The following GMEB1 variants were observed in gnomAD, a reference collection of about 807,000 sequenced individuals.
GMEB1 encodes the protein glucocorticoid modulatory element binding protein 1.
Under a neutral mutation model 52.4 loss-of-function variants are expected in GMEB1, and 6 were observed. The ratio of observed to expected loss-of-function variants is 0.11; its 90% CI spans 0.06 to 0.23. GMEB1 has a LOEUF of 0.23. GMEB1 is among the 10% of genes least tolerant of loss of function. The pLI, the probability that GMEB1 is intolerant of heterozygous loss-of-function variation, is 1.00. For missense variants in GMEB1, 486 were observed against 685.6 expected, an observed-to-expected ratio of 0.71 and a Z score of 3.25; for synonymous variants, 255 against 244.9, an observed-to-expected ratio of 1.04 and a Z score of -0.38.
chr1:28,694,261 G>T (rs1362626112), intron 5 of GMEB1, among the ~76,000 whole-genome samples: 2 of 150,360 alleles, frequency 1.3e-5, no homozygotes, highest in African/African-American at 4.9e-5. Flanking sequence ...CGCAGTCTCG[G>T]CTCACTGCAA....
intron 1 of GMEB1, among the ~76,000 whole-genome samples, chr1:28,680,043 G>A (rs879429874): frequency 4.6e-5 from 7 of 151,974 alleles, no homozygotes; most frequent in Non-Finnish European, 8.8e-5. Flanking sequence ...CCCGACCTCA[G>A]GTGATCCGCC....
At chr1:28,678,694 C>T (rs542004463) in intron 1 of GMEB1, among the ~76,000 whole-genome samples, 1 of 152,288 alleles carries the variant, frequency 6.6e-6, no homozygotes, top group South Asian at 2.1e-4. Flanking sequence ...TCTTGGCTCA[C>T]TGCAACCTCT....
intron 7 of GMEB1, among the ~76,000 whole-genome samples, chr1:28,703,053 A>G (rs930223213): frequency 6.6e-6 from 1 of 152,206 alleles, no homozygotes; most frequent in Non-Finnish European, 1.5e-5. Flanking sequence ...ATCAGAATTT[A>G]GAAAGGTTCA....
intron 2 of GMEB1, among the ~76,000 whole-genome samples, chr1:28,686,266 A>G (rs1447224148): frequency 6.6e-6 from 1 of 151,840 alleles, no homozygotes; most frequent in Non-Finnish European, 1.5e-5. Flanking sequence ...ACCTGAGCCT[A>G]GGAGATTGAG....
At chr1:28,701,251 CTT>C (rs1055228171) in intron 6 of GMEB1, among the ~76,000 whole-genome samples, 2 of 130,520 alleles carry the variant, frequency 1.5e-5, no homozygotes, top group Non-Finnish European at 3.3e-5. Context: ...TCTTGATTCT[CTT>C]TGTTTAAAAG....
rs756423377 is a variant in GMEB1 at position 28,705,082 on chromosome 1, C to CAA, written c.868+772_868+773dup. ...TGGGTGACAGAGCAAGACCTTGTCT[C>CAA]AAAAAAAAAAAAAAAAAAAACACAG... On this transcript the variant is annotated intron_variant, in intron 8 of 9. Transcript: ENST00000373816. Among the ~76,000 whole-genome samples the CAA allele has an allele frequency of 6.2e-3, 304 of 49,084 alleles. 1 individual carries two copies. The highest frequency in any genetic ancestry group is 0.019 in the African/African-American group (260 of 13,430). The allele number at this position is 49,084 out of a possible 152,430, so 32.2% of individuals were successfully genotyped here.
At chr1:28,704,593 G>A (rs1021214677) in intron 8 of GMEB1, among the ~76,000 whole-genome samples, 4 of 151,712 alleles carry the variant, frequency 2.6e-5, no homozygotes, top group African/African-American at 9.7e-5. Context: ...GAGATGCTTT[G>A]TCTCCACAAA....
intron 3 of GMEB1, among the ~76,000 whole-genome samples, chr1:28,690,478 C>T (rs1669910742): frequency 6.6e-6 from 1 of 151,978 alleles, no homozygotes; most frequent in South Asian, 2.1e-4. Context: ...AAGTTGATCC[C>T]TGTCATTAAA....
upstream of GMEB1, among the ~76,000 whole-genome samples, chr1:28,668,289 T>G (rs1471529366): frequency 6.8e-6 from 1 of 146,620 alleles, no homozygotes; most frequent in Non-Finnish European, 1.5e-5. Flanking sequence ...CAGGAAAAAC[T>G]TGGCAAACAG....
chr1:28,668,414 G>A (rs1408489694), upstream of GMEB1, among the ~76,000 whole-genome samples: 1 of 152,106 alleles, frequency 6.6e-6, no homozygotes, highest in African/African-American at 2.4e-5. Flanking sequence ...GGTCCGATAA[G>A]ATGTAAACTT....
At chr1:28,678,216 A>G (rs992060488) in intron 1 of GMEB1, among the ~76,000 whole-genome samples, 1 of 151,994 alleles carries the variant, frequency 6.6e-6, no homozygotes, top group Non-Finnish European at 1.5e-5. Flanking sequence ...AAGGAGAAGA[A>G]AGGAAGAAGC....
At chr1:28,692,176 A>G (rs572968898) in intron 4 of GMEB1, among the ~76,000 whole-genome samples, 1 of 151,586 alleles carries the variant, frequency 6.6e-6, no homozygotes, top group African/African-American at 2.4e-5. Flanking sequence ...GTGCCTGGCT[A>G]ATTTTTTGTA....
intron 6 of GMEB1, among the ~76,000 whole-genome samples, chr1:28,699,655 C>G (rs1195789859): frequency 6.6e-6 from 1 of 151,870 alleles, no homozygotes; most frequent in African/African-American, 2.4e-5. Context: ...GTCTCAAACT[C>G]CTGACTTGAG....
chr1:28,710,436 T>G, intron 8 of GMEB1, 84 bp from the exon 9 acceptor site: 1 of 1,054,320 alleles, frequency 9.5e-7, no homozygotes, highest in Non-Finnish European at 1.3e-6. Context: ...AATTTCTGGT[T>G]GTTTCATATT....
intron 9 of GMEB1, among the ~76,000 whole-genome samples, chr1:28,712,044 C>G (rs1051057643): frequency 6.6e-6 from 1 of 152,068 alleles, no homozygotes; most frequent in East Asian, 1.9e-4. Flanking sequence ...TGCAAATGAC[C>G]TGTGCTTCTG....
intron 1 of GMEB1, among the ~76,000 whole-genome samples, chr1:28,681,999 C>T (rs1317717867): frequency 6.6e-6 from 1 of 151,966 alleles, no homozygotes; most frequent in African/African-American, 2.4e-5. Flanking sequence ...CCACCACGCA[C>T]GGCCCTGACT....
At chr1:28,690,369 A>G (rs551709211) in intron 3 of GMEB1, among the ~76,000 whole-genome samples, 183 bp downstream of exon 3, 1 of 152,130 alleles carries the variant, frequency 6.6e-6, no homozygotes, top group East Asian at 1.9e-4. Context: ...CCACTGACTA[A>G]GATGCTAGGG....
intron 1 of GMEB1, among the ~76,000 whole-genome samples, chr1:28,670,647 G>T (rs1668841256): frequency 6.6e-6 from 1 of 151,728 alleles, no homozygotes; most frequent in African/African-American, 2.4e-5. Flanking sequence ...TAATTTTTTT[G>T]TGTTTTTAGT....
rs1557504261 is a variant in GMEB1, at chr1:28,687,376, ACACACACACAC to A, written c.129-2727_129-2717del. ...CACACACACACACACACACACACAC[ACACACACACAC>A]AAAAAAAGACAGTGGAGAATAATGT... On this transcript the variant is annotated intron_variant, in intron 2 of 9. Transcript: ENST00000373816. Among the ~76,000 whole-genome samples, 51 of 124,628 alleles carry A rather than the reference ACACACACACAC, an allele frequency of 4.1e-4. 8 individuals are homozygous for A. The highest frequency in any genetic ancestry group is 1.3e-3 in the African/African-American group (42 of 32,352). The allele number at this position is 124,628 out of a possible 152,430, so 81.8% of individuals were successfully genotyped here. A position where few individuals can be genotyped will look rare whatever the true frequency, so the allele number is the denominator to read the frequency against.
Sources: gnomAD v4.1 joint callset for allele counts (sites outside exome capture counted in the v4.1 genomes callset) on GRCh38, gnomAD v4.1.1 for gene constraint, MANE v1.5 for transcripts, NCBI Gene and HGNC (gene_info 2026-07-23, HGNC 2026-07-21) for gene names.